Variants in CEP89 observed in about 807,000 individuals in gnomAD.
CEP89 encodes the protein centrosomal protein of 89 kDa.
In CEP89, 95 loss-of-function variants were observed where a neutral mutation model predicts 97.6. The observed-to-expected ratio is 0.97, with a 90% confidence interval of 0.82 to 1.15. The LOEUF (loss-of-function observed/expected upper bound fraction) is 1.15, where lower values mean the gene tolerates loss of function less well. CEP89 is among the 50% of genes most tolerant of loss of function. The probability of loss-of-function intolerance (pLI) is 0.00; values close to 1 mark genes in which losing one functional copy is unlikely to be tolerated. For synonymous variants in CEP89, 354 were observed against 349.1 expected (o/e 1.01, Z -0.16); for missense variants, 869 against 947.7 (o/e 0.92, Z 1.09).
intron 10 of CEP89, 132 bp from the exon 11 acceptor site, chr19:32,926,405 A>AC: frequency 1.5e-6 from 1 of 669,426 alleles, no homozygotes; most frequent in Non-Finnish European, 2.6e-6. Flanking sequence ...TTTTTTAACG[A>AC]CTCTCCCAGC....
chr19:32,939,096 T>C (rs1446683362), intron 6 of CEP89, among the ~76,000 whole-genome samples: 1 of 151,784 alleles, frequency 6.6e-6, no homozygotes, highest in African/African-American at 2.4e-5. Flanking sequence ...AAAAATTTTT[T>C]TTTAATTAGC....
At chr19:32,925,620 C>T (rs1970341506) in intron 11 of CEP89, among the ~76,000 whole-genome samples, 1 of 151,576 alleles carries the variant, frequency 6.6e-6, no homozygotes, top group Admixed American at 6.6e-5. Context: ...TCCTGAGTAG[C>T]TGGAATTACA....
At chr19:32,924,602 C>A (rs527592444) in intron 11 of CEP89, among the ~76,000 whole-genome samples, 29 of 152,256 alleles carry the variant, frequency 1.9e-4, no homozygotes, top group South Asian at 1.0e-3. Flanking sequence ...TATGCCTACA[C>A]CCTTTTAACT....
chr19:32,928,778 T>C (rs1970413026), intron 9 of CEP89, among the ~76,000 whole-genome samples: 1 of 152,102 alleles, frequency 6.6e-6, no homozygotes, highest in South Asian at 2.1e-4. Flanking sequence ...CCCTACGAAT[T>C]CTAGTCTCCT....
chr19:32,890,456 G>A (rs1969489438), intron 16 of CEP89, among the ~76,000 whole-genome samples: 1 of 152,118 alleles, frequency 6.6e-6, no homozygotes, highest in Admixed American at 6.5e-5. Flanking sequence ...GCTCAGGGTG[G>A]CTGGCTGGAG....
At chr19:32,933,816 G>C in intron 7 of CEP89, 147 bp from the exon 8 acceptor site, 2 of 640,772 alleles carry the variant, frequency 3.1e-6, no homozygotes, top group East Asian at 5.3e-5. Context: ...ACAGGAAACA[G>C]TAAGTGGCCT....
rs757224289 is a variant in CEP89 at position 32,933,629 on chromosome 19, G to C, written c.708C>G (p.Thr236=). 1 of 1,612,740 alleles carries C rather than the reference G, an allele frequency of 6.2e-7. No individual in the cohort carries two copies. Among genetic ancestry groups the C allele is most frequent in the Non-Finnish European group, 8.5e-7 (1 of 1,178,898 alleles). The change falls in exon 8 of 19, where the codon ACC becomes ACG. Residue 236 remains threonine, a synonymous_variant. Coordinates refer to ENST00000305768, the MANE Select transcript of CEP89 (RefSeq NM_032816.5). The part of the protein sequence containing the change: ...GRARQRYTEI[T]REKFEALKEE... ...CTTTTAATGCCTCAAACTTTTCTCTGGTTATTTCTGTATATCTTTGACGTG... is the reference window on the plus strand; with the variant it reads ...CTTTTAATGCCTCAAACTTTTCTCTCGTTATTTCTGTATATCTTTGACGTG...
In CEP89 at chr19:32,899,848, G is replaced by A. The variant is rs769164436; in HGVS notation, c.1875+9C>T. 8 of 1,606,772 alleles carry A rather than the reference G, an allele frequency of 5.0e-6. No homozygotes were observed. The highest frequency in any genetic ancestry group is 3.4e-5 in the Admixed American group (2 of 58,876). Reference sequence around the variant, plus strand: ...GCAGTTTACTTGATGTAACCTTCAGGAAACTTACCAAACACATAAGACTGT... The same window carrying A: ...GCAGTTTACTTGATGTAACCTTCAGAAAACTTACCAAACACATAAGACTGT... On this transcript the variant is annotated intron_variant, in intron 16 of 18. Transcript: ENST00000305768.
chr19:32,895,513 A>C (rs1014459294), intron 16 of CEP89, among the ~76,000 whole-genome samples: 3 of 152,206 alleles, frequency 2.0e-5, no homozygotes, highest in African/African-American at 7.2e-5. Context: ...CTAACATCAT[A>C]CCGAGTAGGG....
chr19:32,881,859 G>T lies in CEP89; in HGVS notation c.2120C>A (p.Ala707Glu). ...LKDKQEVLDQ[A>E]LQQNREMEGE... ...CATGCCCCACCTGTTCTGCTGCAGC[G>T]CCTGGTCCAGCACCTCCTGCTTGTC... Residue 707 changes from alanine to glutamate, a missense_variant, in exon 18 of 19, where the codon GCG (alanine) becomes GAG (glutamate). Ala to Glu is a moderately radical substitution (Grantham distance 107). Coordinates refer to ENST00000305768, the MANE Select transcript of CEP89 (RefSeq NM_032816.5). 6.2e-7 allele frequency: 1 copy of T among 1,603,020 alleles called. No individual in the cohort carries two copies. Among genetic ancestry groups the T allele is most frequent in the Non-Finnish European group, 8.5e-7 (1 of 1,178,726 alleles).
intron 1 of CEP89, among the ~76,000 whole-genome samples, chr19:32,966,951 G>A (rs1307469582): frequency 3.3e-5 from 5 of 152,124 alleles, no homozygotes; most frequent in South Asian, 2.1e-4. Context: ...TCAGCCACAC[G>A]AGTAGACGGG....
intron 16 of CEP89, 131 bp downstream of exon 16, chr19:32,899,726 G>C (rs577494586): frequency 1.3e-4 from 109 of 825,774 alleles, no homozygotes; most frequent in Admixed American, 4.5e-4. Flanking sequence ...AAAATTCCTA[G>C]GTGGAACCAT....
intron 12 of CEP89, among the ~76,000 whole-genome samples, chr19:32,921,440 C>T (rs945001805): frequency 6.6e-6 from 1 of 152,124 alleles, no homozygotes; most frequent in Non-Finnish European, 1.5e-5. Flanking sequence ...AGGCCCTGAG[C>T]AAGCCTGACA....
chr19:32,898,161 A>T (rs892421048), intron 16 of CEP89, among the ~76,000 whole-genome samples: 54 of 152,228 alleles, frequency 3.5e-4, no homozygotes, highest in African/African-American at 1.3e-3. Context: ...AGATAAAGAA[A>T]ATATGCTCTA....
chr19:32,951,569 A>ACACACG (rs1970920326), intron 4 of CEP89, among the ~76,000 whole-genome samples: 1 of 151,054 alleles, frequency 6.6e-6, no homozygotes, highest in African/African-American at 2.4e-5. Context: ...ACACACACGC[A>ACACACG]CACTACTACA....
intron 14 of CEP89, 35 bp from the exon 15 acceptor site, chr19:32,901,447 C>A: frequency 6.3e-7 from 1 of 1,592,014 alleles, no homozygotes; most frequent in South Asian, 1.1e-5. Flanking sequence ...TCGTATCCAG[C>A]ACAATGAAGC....
At chr19:32,904,532 A>C (rs972111813) in intron 14 of CEP89, among the ~76,000 whole-genome samples, 1 of 152,132 alleles carries the variant, frequency 6.6e-6, no homozygotes, top group Admixed American at 6.6e-5. Flanking sequence ...TTAATTAAAA[A>C]AATTTTTTCT....
At chr19:32,961,143 C>T (rs1297228964) in intron 2 of CEP89, among the ~76,000 whole-genome samples, 1 of 152,160 alleles carries the variant, frequency 6.6e-6, no homozygotes. Flanking sequence ...ACGGCAGCTG[C>T]TCCCACCAGG....
At chr19:32,880,010 C>T (rs192581728) in intron 18 of CEP89, among the ~76,000 whole-genome samples, 56 of 152,308 alleles carry the variant, frequency 3.7e-4, no homozygotes, top group African/African-American at 1.1e-3. Flanking sequence ...CCTGAGGGGC[C>T]GAGGCATGTG....
Sources: gnomAD v4.1 joint callset for allele counts (sites outside exome capture counted in the v4.1 genomes callset) on GRCh38, gnomAD v4.1.1 for gene constraint, MANE v1.5 for transcripts, NCBI Gene and HGNC (gene_info 2026-07-23, HGNC 2026-07-21) for gene names.